The following ZFPM1 variants were observed in gnomAD, a reference collection of about 807,000 sequenced individuals.
ZFPM1 encodes zinc finger protein ZFPM1.
A neutral mutation model predicts 46.3 loss-of-function variants in ZFPM1; 28 were observed. The ratio of observed to expected loss-of-function variants is 0.60; its 90% CI spans 0.45 to 0.83. The LOEUF (loss-of-function observed/expected upper bound fraction) is 0.83. Among genes scored for constraint, ZFPM1 ranks in the 40% least tolerant of loss-of-function variants. The pLI is 0.00. For missense variants in ZFPM1, 1,878 were observed against 1,432.4 expected (o/e 1.31, Z -5.02); for synonymous variants, 957 against 675.9 (o/e 1.42, Z -6.45).
chr16:88,529,046 G>A (rs1212634974), intron 6 of ZFPM1, among the ~76,000 whole-genome samples: 2 of 152,244 alleles, frequency 1.3e-5, no homozygotes, highest in Non-Finnish European at 2.9e-5. Context: ...GTGGGAGGCC[G>A]AGGCAGGAGG....
At chr16:88,529,060 G>A (rs116875501) in intron 6 of ZFPM1, among the ~76,000 whole-genome samples, 4,598 of 152,304 alleles carry the variant, frequency 0.03, 143 homozygotes, top group South Asian at 0.15. Context: ...CAGGAGGACC[G>A]TTTGAGCCCA....
intron 1 of ZFPM1, among the ~76,000 whole-genome samples, chr16:88,458,415 C>T (rs1367742736): frequency 1.3e-5 from 2 of 152,224 alleles, no homozygotes; most frequent in African/African-American, 4.8e-5. Context: ...CCAGCCCCTC[C>T]CTGGAGGTCA....
chr16:88,518,741 A>G (rs1384430681), intron 4 of ZFPM1, among the ~76,000 whole-genome samples: 34 of 54,086 alleles, frequency 6.3e-4, no homozygotes, highest in African/African-American at 1.8e-3. Context: ...GAGAGGGTGG[A>G]TGGATGGATG....
chr16:88,461,513 G>C (rs990607859), intron 1 of ZFPM1, among the ~76,000 whole-genome samples: 3 of 152,166 alleles, frequency 2.0e-5, no homozygotes, highest in African/African-American at 7.2e-5. Flanking sequence ...TGGGGCCTCT[G>C]TTTCTCTCTT....
At chr16:88,495,713 A>T (rs376647179) in intron 3 of ZFPM1, among the ~76,000 whole-genome samples, 13 of 152,270 alleles carry the variant, frequency 8.5e-5, no homozygotes, top group African/African-American at 3.1e-4. Flanking sequence ...GTGTGTGTGA[A>T]GTAACATGAG....
At chr16:88,491,679 GT>G (rs1326755659) in intron 3 of ZFPM1, among the ~76,000 whole-genome samples, 5 of 152,206 alleles carry the variant, frequency 3.3e-5, no homozygotes, top group Non-Finnish European at 7.3e-5. Context: ...GCCGGCCGTG[GT>G]TTGGGGCTGG....
chr16:88,498,507 C>T (rs1910068531), intron 3 of ZFPM1, among the ~76,000 whole-genome samples: 1 of 152,228 alleles, frequency 6.6e-6, no homozygotes, highest in South Asian at 2.1e-4. Flanking sequence ...GTGCTCAGGC[C>T]AGCATAGCCC....
rs1913237452 is a variant in ZFPM1, at chr16:88,536,147, T to G, written c.*1168T>G. On this transcript the variant is annotated 3_prime_UTR_variant, in exon 10 of 10. Coordinates refer to ENST00000319555, the MANE Select transcript of ZFPM1 (RefSeq NM_153813.3). ...GTTTTTGTGTTTTTTGTAGAAATGG[T>G]GTCTCCCTATGTTGCCCAGGCTGGG... The G allele has an allele frequency of 6.6e-6, 1 of 151,826 alleles. No individual in the cohort carries two copies. The highest frequency in any genetic ancestry group is 6.6e-5 in the Admixed American group (1 of 15,240). The allele number at this position is 151,826 out of a possible 1,614,324, so 9.4% of individuals were successfully genotyped here. A position where few individuals can be genotyped will look rare whatever the true frequency, so the allele number is the denominator to read the frequency against.
Position 88,526,915 on chromosome 16 carries a change from G to T in ZFPM1, c.504G>T (p.Lys168Asn), listed in dbSNP as rs1271202591. The change falls in exon 5 of 10, where the codon AAG becomes AAT. Residue 168 changes from lysine (K) to asparagine (N), a missense_variant and splice_region_variant. Lys to Asn is a moderately conservative substitution (Grantham distance 94). Transcript: ENST00000319555. Reference protein sequence around the residue: ...EAEANTEIHRKDDALWCRVTK... With the variant: ...EAEANTEIHRNDDALWCRVTK... ...AGGCCAACACAGAGATCCACAGGAA[G>T]GGTCAGTATGACGCGGCACCTCCGT... The T allele has an allele frequency of 6.4e-7, 1 of 1,569,894 alleles. No individual in the cohort carries two copies. The highest frequency in any genetic ancestry group is 1.8e-5 in the Admixed American group (1 of 54,480).
chr16:88,487,595 G>A (rs1367924477), intron 2 of ZFPM1, among the ~76,000 whole-genome samples: 1 of 152,166 alleles, frequency 6.6e-6, no homozygotes, highest in Non-Finnish European at 1.5e-5. Flanking sequence ...ATCCCAGGCA[G>A]ACCTTGGTCC....
At chr16:88,488,634 G>C (rs1909377570) in intron 2 of ZFPM1, among the ~76,000 whole-genome samples, 1 of 152,198 alleles carries the variant, frequency 6.6e-6, no homozygotes, top group South Asian at 2.1e-4. Flanking sequence ...TATCAGGCCA[G>C]CTGGGAAGGC....
rs772331325 is a variant in ZFPM1, at chr16:88,532,938, G to A, written c.1189+3G>A. On this transcript the variant is annotated splice_donor_region_variant and intron_variant, in intron 9 of 9. Transcript: ENST00000319555. ...CCCAGCAACCAAGCTGCCCCCAGGT[G>A]AGCAGCCCTGTGGGGGCCACCCCTG... is the stretch of plus-strand genomic sequence containing the variant. 9.3e-6 allele frequency: 15 copies of A among 1,612,740 alleles called. No homozygotes were observed. Among genetic ancestry groups the A allele is most frequent in the East Asian group, 2.2e-5 (1 of 44,898 alleles).
chr16:88,533,256 TG>T lies in ZFPM1; in HGVS notation c.1300del (p.Ala434ProfsTer364). On this transcript the variant is annotated frameshift_variant, in exon 10 of 10. Transcript: ENST00000319555. LOFTEE classifies it low-confidence loss of function (END_TRUNC). ...TPSPGLDRKALAEATNGEARA... is the reference protein window; with the variant it reads ...TPSPGLDRKAXAEATNGEARA... ...TCGCCAGGACTGGACAGAAAGGCCC[TG>T]GCCGAGGCCACCAACGGAGAGGCCA... 6.4e-7 allele frequency: 1 copy of T among 1,551,914 alleles called. No homozygotes were observed.
chr16:88,497,488 G>T lies in ZFPM1; in HGVS notation c.268+8335G>T, dbSNP rs1909998441. Among the ~76,000 whole-genome samples, 1 of 144,284 alleles carries T rather than the reference G, an allele frequency of 6.9e-6. No individual in the cohort carries two copies. Among genetic ancestry groups the T allele is most frequent in the Admixed American group, 6.8e-5 (1 of 14,636 alleles). 94.7% of individuals were successfully genotyped at this position (144,284 alleles called of 152,430 possible). On this transcript the variant is annotated intron_variant, in intron 3 of 9. Coordinates refer to ENST00000319555, the MANE Select transcript of ZFPM1 (RefSeq NM_153813.3). This position sits in a 1 kb window ranked among gnomAD's most constrained non-coding sequence, Gnocchi z 5.4. The stretch of plus-strand genomic sequence containing the variant: ...AGGGTGGGGCTCAGGGCCCGGGCGG[G>T]GATGGGGTTCAGAGGGGTCAGGGTG...
Position 88,526,885 on chromosome 16 carries a change from G to A in ZFPM1, c.474G>A (p.Glu158=), listed in dbSNP as rs1912378111. The A allele has an allele frequency of 6.3e-7, 1 of 1,580,962 alleles. No individual in the cohort carries two copies. Among genetic ancestry groups the A allele is most frequent in the Non-Finnish European group, 8.6e-7 (1 of 1,163,676 alleles). The stretch of plus-strand genomic sequence containing the variant: ...GGACGCTGCCCCAGGCCCTGACTGA[G>A]GCCGAGGCCAACACAGAGATCCACA... ...WLRTLPQALT[E]AEANTEIHRK... Residue 158 remains glutamate (E), a synonymous_variant, in exon 5 of 10, where the codon GAG becomes GAA. Transcript: ENST00000319555.
intron 1 of ZFPM1, among the ~76,000 whole-genome samples, chr16:88,463,285 G>A (rs982167506): frequency 6.6e-6 from 1 of 152,236 alleles, no homozygotes; most frequent in Admixed American, 6.5e-5. Context: ...TCAGCCCCCA[G>A]TGAGGGACCA....
intron 4 of ZFPM1, among the ~76,000 whole-genome samples, chr16:88,520,436 T>C (rs1005905367): frequency 6.8e-6 from 1 of 147,368 alleles, no homozygotes; most frequent in African/African-American, 2.5e-5. Flanking sequence ...GATAGATGGA[T>C]GGATAGGTGG....
intron 1 of ZFPM1, among the ~76,000 whole-genome samples, chr16:88,463,375 G>A (rs926806435): frequency 4.3e-4 from 65 of 152,218 alleles, no homozygotes; most frequent in Non-Finnish European, 2.1e-4. Flanking sequence ...GGGAGGGGAA[G>A]CCAAGACTCA....
intron 3 of ZFPM1, among the ~76,000 whole-genome samples, chr16:88,512,239 C>T (rs1370519358): frequency 6.6e-6 from 1 of 152,206 alleles, no homozygotes; most frequent in Non-Finnish European, 1.5e-5. Context: ...CCCACTTCCC[C>T]ATGAGGGCAG....
Sources: gnomAD v4.1 joint callset for allele counts (sites outside exome capture counted in the v4.1 genomes callset) on GRCh38, gnomAD v4.1.1 for gene constraint, Gnocchi (gnomAD v3.1) non-coding constraint, MANE v1.5 for transcripts, NCBI Gene and HGNC (gene_info 2026-07-23, HGNC 2026-07-21) for gene names.